Variants in ADAMTS2 observed in about 807,000 individuals in gnomAD.
ADAMTS2 encodes A disintegrin and metalloproteinase with thrombospondin motifs 2.
In ADAMTS2, 50 loss-of-function variants were observed where a neutral mutation model predicts 123.0. The observed-to-expected ratio is 0.41, with a 90% CI of 0.32 to 0.51. The LOEUF (loss-of-function observed/expected upper bound fraction) is 0.51, where lower values mean the gene tolerates loss of function less well. ADAMTS2 is among the 20% of genes least tolerant of loss of function. The probability of loss-of-function intolerance (pLI) is 0.35; values close to 1 mark genes in which losing one functional copy is unlikely to be tolerated. For missense variants in ADAMTS2, 1,494 were observed against 1,705.2 expected, an observed-to-expected ratio of 0.88 and a Z score of 2.18; for synonymous variants, 678 against 695.4, an observed-to-expected ratio of 0.98 and a Z score of 0.39.
intron 5 of ADAMTS2, among the ~76,000 whole-genome samples, chr5:179,163,507 T>C (rs924029954): frequency 9.2e-5 from 14 of 152,222 alleles, no homozygotes; most frequent in South Asian, 6.2e-4. Flanking sequence ...CTGGCTCAAA[T>C]TGAAATCAGT....
chr5:179,309,800 A>T (rs370289081), intron 2 of ADAMTS2, among the ~76,000 whole-genome samples: 6 of 138,858 alleles, frequency 4.3e-5, no homozygotes, highest in Non-Finnish European at 7.7e-5. Context: ...TGGCCCTGCC[A>T]CTTGACCGGG....
At chr5:179,318,965 T>C (rs1487124904) in intron 2 of ADAMTS2, among the ~76,000 whole-genome samples, 1 of 152,226 alleles carries the variant, frequency 6.6e-6, no homozygotes, top group Non-Finnish European at 1.5e-5. Context: ...GGAACACAGC[T>C]GCACGCTATT....
Position 179,306,552 on chromosome 5 carries a change from G to A in ADAMTS2, c.535-33488C>T, listed in dbSNP as rs768543277. Among the ~76,000 whole-genome samples, 10 of 152,170 alleles carry A rather than the reference G, an allele frequency of 6.6e-5. No individual in the cohort carries two copies. The South Asian group carries it at 1.9e-3, about 28-fold the overall frequency. ...CCCCTAAAATAAGGAGCATTTTCAC[G>A]ACTCCTACTCAACCTTGGGTTGAGT... On this transcript the variant is annotated intron_variant, in intron 2 of 21. Coordinates refer to ENST00000251582, the MANE Select transcript of ADAMTS2 (RefSeq NM_014244.5).
rs1764142806 is a variant in ADAMTS2, at chr5:179,185,258, A to C, written c.892-4103T>G. 6.6e-6 allele frequency among the ~76,000 whole-genome samples: 1 copy of C among 152,196 alleles called. No homozygotes were observed. The highest frequency in any genetic ancestry group is 1.9e-4 in the East Asian group (1 of 5,188). On this transcript the variant is annotated intron_variant, in intron 4 of 21. Transcript: ENST00000251582. The surrounding 1 kb of genome is among the most constrained non-coding windows in gnomAD (Gnocchi z 5.9). Reference sequence around the variant, plus strand: ...ACTCCAGGTGCCTTACGGAAAGTAGATGGAAGGGGTCAAGATGTGGGAATG... The same window carrying C: ...ACTCCAGGTGCCTTACGGAAAGTAGCTGGAAGGGGTCAAGATGTGGGAATG...
At chr5:179,137,720 C>T in intron 12 of ADAMTS2, 49 bp downstream of exon 12, 6 of 1,515,230 alleles carry the variant, frequency 4.0e-6, no homozygotes, top group Non-Finnish European at 5.3e-6. Context: ...CCTGCCCACC[C>T]TAGGGCCTGC....
At position 179,137,924 on chromosome 5, in the gene ADAMTS2, G is replaced by A. The variant is rs1405003145; in HGVS notation, c.1796C>T (p.Thr599Ile). ...DNPHPANGGR[T>I]CSGLAYDFQL... ...GAAGTCGTAGGCAAGGCCCGAGCAG[G>A]TGCGGCCCCCGTTGGCCGGGCTGGA... The change falls in exon 12 of 22, where the codon ACC (threonine) becomes ATC (isoleucine). Residue 599 changes from threonine to isoleucine, a missense_variant. Thr to Ile is a moderately conservative substitution (Grantham distance 89, BLOSUM62 -1). This residue lies in a region of ADAMTS2 where 953 missense variants were observed against 1,124.7 expected (regional missense o/e 0.85). Coordinates refer to ENST00000251582, the MANE Select transcript of ADAMTS2 (RefSeq NM_014244.5). 1 of 1,549,642 alleles carries A rather than the reference G, an allele frequency of 6.5e-7. No homozygotes were observed. The highest frequency in any genetic ancestry group is 2.4e-5 in the East Asian group (1 of 41,076).
intron 2 of ADAMTS2, among the ~76,000 whole-genome samples, chr5:179,335,816 G>T (rs559378785): frequency 6.6e-6 from 1 of 152,110 alleles, no homozygotes; most frequent in African/African-American, 2.4e-5. Flanking sequence ...TCAAACAGCC[G>T]CGTGGGAGGG....
At chr5:179,344,227 G>A (rs957406027) in intron 1 of ADAMTS2, 66 bp from the exon 2 acceptor site, 18 of 1,517,768 alleles carry the variant, frequency 1.2e-5, no homozygotes, top group Non-Finnish European at 1.6e-5. Flanking sequence ...AGACCCGCCG[G>A]CAAGCCACGC....
At position 179,124,984 on chromosome 5, in the gene ADAMTS2, G is replaced by A. The variant is rs368070920; in HGVS notation, c.2947C>T (p.Pro983Ser). 38 of 1,605,988 alleles carry A rather than the reference G, an allele frequency of 2.4e-5. No individual in the cohort carries two copies. Among genetic ancestry groups the A allele is most frequent in the Non-Finnish European group, 3.2e-5 (38 of 1,178,296 alleles). The change falls in exon 19 of 22, where the codon CCC becomes TCC. Residue 983 changes from proline (P) to serine (S), a missense_variant. Pro to Ser is a moderately conservative substitution (Grantham distance 74, BLOSUM62 -1). Coordinates refer to ENST00000251582, the MANE Select transcript of ADAMTS2 (RefSeq NM_014244.5). ...ELCPGRWRAG[P>S]WSQCSVTCGN... ...GGGGGATTGCGTACCTGGGACCAGG[G>A]CCCGGCTCGCCAACGACCAGGGCAG... is the stretch of plus-strand genomic sequence containing the variant.
intron 3 of ADAMTS2, among the ~76,000 whole-genome samples, chr5:179,241,394 G>A (rs934175533): frequency 6.6e-6 from 1 of 152,224 alleles, no homozygotes; most frequent in Non-Finnish European, 1.5e-5. Context: ...CACGCTGGTG[G>A]AAAACGAGGA....
intron 4 of ADAMTS2, among the ~76,000 whole-genome samples, chr5:179,199,484 A>G (rs1202995964): frequency 6.6e-6 from 1 of 152,206 alleles, no homozygotes; most frequent in African/African-American, 2.4e-5. Flanking sequence ...CCGTGGCCAT[A>G]CGCTCTGGGC....
At chr5:179,198,809 G>A (rs570842021) in intron 4 of ADAMTS2, among the ~76,000 whole-genome samples, 13 of 151,788 alleles carry the variant, frequency 8.6e-5, no homozygotes, top group East Asian at 1.9e-4. Flanking sequence ...ACTCCAGCCC[G>A]GGCGACAGAG....
At chr5:179,279,609 C>A (rs756907287) in intron 2 of ADAMTS2, among the ~76,000 whole-genome samples, 47 of 152,332 alleles carry the variant, frequency 3.1e-4, no homozygotes, top group Admixed American at 5.9e-4. Context: ...CACTCTCTTG[C>A]CTCTCCCAGC....
chr5:179,213,994 C>A (rs1764918669), intron 3 of ADAMTS2, among the ~76,000 whole-genome samples: 1 of 152,204 alleles, frequency 6.6e-6, no homozygotes, highest in Non-Finnish European at 1.5e-5. Context: ...TCAAACCCAA[C>A]AGCCAGAACA....
intron 12 of ADAMTS2, among the ~76,000 whole-genome samples, 154 bp downstream of exon 12, chr5:179,137,615 G>T (rs1763087291): frequency 1.3e-5 from 2 of 152,322 alleles, no homozygotes; most frequent in South Asian, 4.1e-4. Context: ...CCCAGGAGTG[G>T]GCCAGGGCAG....
At chr5:179,219,564 G>C (rs1765077920) in intron 3 of ADAMTS2, among the ~76,000 whole-genome samples, 1 of 152,194 alleles carries the variant, frequency 6.6e-6, no homozygotes, top group Non-Finnish European at 1.5e-5. Flanking sequence ...GACCAGAAAA[G>C]GGGCCAGGCT....
intron 12 of ADAMTS2, among the ~76,000 whole-genome samples, chr5:179,136,755 C>T (rs1763073214): frequency 4.0e-5 from 6 of 150,872 alleles, no homozygotes; most frequent in Admixed American, 3.3e-4. Context: ...CGGATCATGA[C>T]GTCAGGAGAT....
At chr5:179,230,499 G>A (rs865864152) in intron 3 of ADAMTS2, among the ~76,000 whole-genome samples, 4 of 148,586 alleles carry the variant, frequency 2.7e-5, no homozygotes, top group Admixed American at 7.0e-5. Flanking sequence ...CGTTATGCCC[G>A]GGAGGGCTGT....
Position 179,128,266 on chromosome 5 carries a change from T to C in ADAMTS2, c.2458-148A>G. The C allele has an allele frequency of 1.0e-6, 1 of 978,798 alleles. No homozygotes were observed. Among genetic ancestry groups the C allele is most frequent in the Non-Finnish European group, 1.6e-6 (1 of 641,694 alleles). The allele number at this position is 978,798 out of a possible 1,614,324, so 60.6% of individuals were successfully genotyped here. On this transcript the variant is annotated intron_variant, in intron 16 of 21. Transcript: ENST00000251582. This position sits in a 1 kb window ranked among gnomAD's most constrained non-coding sequence, Gnocchi z 4.9. ...CATGAAGTCGCCCCGAGCACCAAAT[T>C]CTTGAATAGGGAGCCATTACCCCAG...
Sources: allele counts gnomAD v4.1 joint callset (sites outside exome capture counted in the v4.1 genomes callset), GRCh38; gene constraint gnomAD v4.1.1; regional missense constraint gnomAD v4.1.1; non-coding constraint Gnocchi (gnomAD v3.1); transcripts MANE v1.5; gene names NCBI Gene and HGNC (gene_info 2026-07-23, HGNC 2026-07-21).